Variants in DEPTOR observed in about 807,000 individuals in gnomAD.
DEPTOR encodes the protein DEP domain containing MTOR interacting protein.
DEPTOR carries 41 observed loss-of-function variants against 41.6 expected under a neutral mutation model. The ratio of observed to expected loss-of-function variants is 0.98; its 90% CI spans 0.77 to 1.28. The LOEUF is 1.28. Ranked by LOEUF, DEPTOR falls within the 50% of genes most tolerant of loss-of-function variation. The probability of loss-of-function intolerance (pLI) is 0.00; values close to 1 mark genes in which losing one functional copy is unlikely to be tolerated. For missense variants in DEPTOR, 514 were observed against 527.9 expected (o/e 0.97, Z 0.26); for synonymous variants, 195 against 192.3 (o/e 1.01, Z -0.12).
At chr8:119,894,411 T>TATTTATTTA (rs376711018) in intron 1 of DEPTOR, among the ~76,000 whole-genome samples, 7 of 150,078 alleles carry the variant, frequency 4.7e-5, no homozygotes, top group African/African-American at 4.9e-5. Context: ...TTTATTTATT[T>TATTTATTTA]TTTGAGACAG....
At chr8:120,033,449 A>G (rs192557645) in intron 8 of DEPTOR, among the ~76,000 whole-genome samples, 2 of 152,280 alleles carry the variant, frequency 1.3e-5, no homozygotes, top group Admixed American at 1.3e-4. Context: ...TTGTGTAACT[A>G]CATGGCAGAG....
chr8:119,905,860 C>G (rs1827656397), intron 1 of DEPTOR, among the ~76,000 whole-genome samples: 1 of 152,076 alleles, frequency 6.6e-6, no homozygotes, highest in Non-Finnish European at 1.5e-5. Context: ...CCAGGGTGGT[C>G]TCGAACTCCT....
intron 3 of DEPTOR, among the ~76,000 whole-genome samples, chr8:119,935,072 G>A (rs2129872353): frequency 6.6e-6 from 1 of 152,260 alleles, no homozygotes; most frequent in Non-Finnish European, 1.5e-5. Flanking sequence ...TACATTCAGG[G>A]CACAATACAC....
At chr8:120,001,367 T>G (rs756429886) in intron 4 of DEPTOR, among the ~76,000 whole-genome samples, 158 bp from the exon 5 acceptor site, 1 of 151,608 alleles carries the variant, frequency 6.6e-6, no homozygotes, top group African/African-American at 2.4e-5. Context: ...GGAAAGAACT[T>G]GGAACCATGG....
chr8:119,974,331 T>C (rs779098493), intron 4 of DEPTOR, among the ~76,000 whole-genome samples: 4 of 150,318 alleles, frequency 2.7e-5, no homozygotes, highest in Non-Finnish European at 4.4e-5. Flanking sequence ...TAATTTTTTC[T>C]TTACTTTTCA....
chr8:119,915,820 T>C (rs1358063739), intron 1 of DEPTOR, among the ~76,000 whole-genome samples: 1 of 152,084 alleles, frequency 6.6e-6, no homozygotes, highest in East Asian at 1.9e-4. Context: ...TCACCTGGAC[T>C]TTTCTCTGCT....
intron 8 of DEPTOR, among the ~76,000 whole-genome samples, chr8:120,011,300 G>A (rs547163384): frequency 6.6e-6 from 1 of 152,292 alleles, no homozygotes; most frequent in East Asian, 1.9e-4. Context: ...CTGGGGTCCT[G>A]TGCTCTGGGG....
chr8:119,897,543 T>C (rs957775038), intron 1 of DEPTOR, among the ~76,000 whole-genome samples: 1 of 152,016 alleles, frequency 6.6e-6, no homozygotes, highest in Non-Finnish European at 1.5e-5. Context: ...AAAAAAATAA[T>C]TCAAAAAATT....
chr8:119,934,762 A>G (rs998297912), intron 3 of DEPTOR, among the ~76,000 whole-genome samples: 13 of 152,214 alleles, frequency 8.5e-5, no homozygotes, highest in African/African-American at 3.1e-4. Flanking sequence ...ATAGCAGATA[A>G]CAGCCCAGGA....
chr8:119,966,062 A>G (rs1048686933), intron 4 of DEPTOR, among the ~76,000 whole-genome samples: 3 of 152,198 alleles, frequency 2.0e-5, no homozygotes, highest in African/African-American at 7.2e-5. Context: ...ACATTTTTTC[A>G]TCATTATTCC....
At chr8:119,884,815 G>T (rs1487016582) in intron 1 of DEPTOR, among the ~76,000 whole-genome samples, 1 of 147,402 alleles carries the variant, frequency 6.8e-6, no homozygotes, top group African/African-American at 2.7e-5. Context: ...CAGGGTTCAA[G>T]CTCACTGCAA....
chr8:119,956,740 GT>G (rs71571641), intron 3 of DEPTOR, among the ~76,000 whole-genome samples: 225 of 91,994 alleles, frequency 2.4e-3, no homozygotes, highest in African/African-American at 8.2e-3. Context: ...TTTTTTTTTT[GT>G]TTTTTTTTTT....
intron 8 of DEPTOR, among the ~76,000 whole-genome samples, chr8:120,046,479 T>G (rs1400069845): frequency 6.6e-6 from 1 of 152,148 alleles, no homozygotes; most frequent in Non-Finnish European, 1.5e-5. Flanking sequence ...GACTGGCATC[T>G]TTTACTTAGC....
At chr8:119,947,342 A>G (rs577989521) in intron 3 of DEPTOR, among the ~76,000 whole-genome samples, 1 of 152,206 alleles carries the variant, frequency 6.6e-6, no homozygotes, top group Non-Finnish European at 1.5e-5. Context: ...GTATTCAGAA[A>G]GAACTGTGAA....
intron 1 of DEPTOR, among the ~76,000 whole-genome samples, chr8:119,908,605 G>A (rs1438145004): frequency 1.3e-5 from 2 of 151,932 alleles, no homozygotes; most frequent in Non-Finnish European, 2.9e-5. Flanking sequence ...TATCTGGAGT[G>A]GGGGCAGTCT....
chr8:119,944,752 T>G (rs573689984), intron 3 of DEPTOR, among the ~76,000 whole-genome samples: 1 of 151,938 alleles, frequency 6.6e-6, no homozygotes, highest in Non-Finnish European at 1.5e-5. Context: ...CCTCCTGGGT[T>G]TAAGCAATTC....
chr8:119,906,460 GA>G (rs995625424), intron 1 of DEPTOR, among the ~76,000 whole-genome samples: 31 of 148,710 alleles, frequency 2.1e-4, no homozygotes, highest in African/African-American at 6.2e-4. Context: ...TGACTCAAAA[GA>G]AAAAAAAAAT....
intron 1 of DEPTOR, among the ~76,000 whole-genome samples, chr8:119,908,769 T>G (rs983007122): frequency 2.0e-5 from 3 of 152,228 alleles, no homozygotes; most frequent in Non-Finnish European, 4.4e-5. Flanking sequence ...TGCTATTGAA[T>G]CAAGCTGTTT....
At chr8:120,034,016 G>A (rs539978225) in intron 8 of DEPTOR, among the ~76,000 whole-genome samples, 102 of 152,130 alleles carry the variant, frequency 6.7e-4, no homozygotes, top group African/African-American at 2.3e-3. Flanking sequence ...GCAGTGAGCC[G>A]AGGTCACACT....
Sources: allele counts gnomAD v4.1 joint callset (sites outside exome capture counted in the v4.1 genomes callset), GRCh38; gene constraint gnomAD v4.1.1; transcripts MANE v1.5; gene names NCBI Gene and HGNC (gene_info 2026-07-23, HGNC 2026-07-21).